GRM8: variants seen among roughly 807,000 people sequenced by gnomAD.
GRM8 encodes metabotropic glutamate receptor 8.
A neutral mutation model predicts 87.2 loss-of-function variants in GRM8; 47 were observed. The observed-to-expected ratio is 0.54, with a 90% CI of 0.43 to 0.69. The LOEUF (loss-of-function observed/expected upper bound fraction) is 0.69. Ranked by LOEUF, GRM8 falls within the 30% of genes least tolerant of loss-of-function variation. The probability of loss-of-function intolerance (pLI) is 0.00; values close to 1 mark genes in which losing one functional copy is unlikely to be tolerated. For synonymous variants in GRM8, 396 were observed against 404.5 expected (o/e 0.98, Z 0.25); for missense variants, 1,019 against 1,139.2 (o/e 0.89, Z 1.52).
At chr7:126,754,003 C>A (rs569304425) in intron 7 of GRM8, among the ~76,000 whole-genome samples, 23 of 151,898 alleles carry the variant, frequency 1.5e-4, no homozygotes, top group African/African-American at 5.5e-4. Context: ...AAGAGAAATA[C>A]TTAAAATCTT....
At chr7:126,942,386 G>A (rs1807055844) in intron 3 of GRM8, among the ~76,000 whole-genome samples, 1 of 152,108 alleles carries the variant, frequency 6.6e-6, no homozygotes, top group Non-Finnish European at 1.5e-5. Flanking sequence ...GTTGCTTGAG[G>A]GCTGAGCCCA....
At chr7:126,834,577 G>GA (rs1795674438) in intron 6 of GRM8, among the ~76,000 whole-genome samples, 3 of 152,034 alleles carry the variant, frequency 2.0e-5, no homozygotes, top group South Asian at 2.1e-4. Flanking sequence ...ATAACATTCA[G>GA]AAAAAAGTCA....
At chr7:126,648,717 A>G (rs1440511604) in intron 7 of GRM8, among the ~76,000 whole-genome samples, 1 of 152,268 alleles carries the variant, frequency 6.6e-6, no homozygotes, top group Admixed American at 6.5e-5. Context: ...TAGAAACTCC[A>G]TTATCTGAAA....
At chr7:127,098,169 T>A (rs185017968) in intron 3 of GRM8, among the ~76,000 whole-genome samples, 1 of 152,268 alleles carries the variant, frequency 6.6e-6, no homozygotes, top group African/African-American at 2.4e-5. Flanking sequence ...TAATTAAATA[T>A]GATTTGTAAC....
chr7:126,628,105 C>T (rs541017256), intron 7 of GRM8, among the ~76,000 whole-genome samples: 17 of 152,058 alleles, frequency 1.1e-4, no homozygotes, highest in Non-Finnish European at 1.9e-4. Flanking sequence ...AGTGCAGTGG[C>T]GTGATCTCAG....
chr7:126,458,224 A>G (rs1803482186), intron 9 of GRM8, among the ~76,000 whole-genome samples: 1 of 151,160 alleles, frequency 6.6e-6, no homozygotes, highest in South Asian at 2.1e-4. Flanking sequence ...TAAATCATTA[A>G]TTTTCATTAT....
chr7:127,049,073 A>C (rs922793979), intron 3 of GRM8, among the ~76,000 whole-genome samples: 2 of 152,140 alleles, frequency 1.3e-5, no homozygotes, highest in Admixed American at 1.3e-4. Flanking sequence ...TCTTTAAAAG[A>C]CACTTCATGA....
chr7:126,802,191 A>G (rs1179135729), intron 6 of GRM8, among the ~76,000 whole-genome samples: 1 of 152,206 alleles, frequency 6.6e-6, no homozygotes. Context: ...TGGTTAGAAC[A>G]CTTAAAATAT....
chr7:127,157,023 T>A (rs565973817), intron 2 of GRM8, among the ~76,000 whole-genome samples: 1 of 152,232 alleles, frequency 6.6e-6, no homozygotes, highest in Non-Finnish European at 1.5e-5. Context: ...AGTGTCCACA[T>A]CTTTTTAACA....
intron 8 of GRM8, among the ~76,000 whole-genome samples, chr7:126,584,000 A>G (rs2151019930): frequency 6.6e-6 from 1 of 152,240 alleles, no homozygotes; most frequent in Admixed American, 6.5e-5. Context: ...ATGTTGTCTT[A>G]TTTTTTAAAA....
intron 3 of GRM8, among the ~76,000 whole-genome samples, chr7:127,046,350 C>A (rs1586843749): frequency 1.3e-5 from 2 of 150,896 alleles, no homozygotes; most frequent in African/African-American, 4.9e-5. Context: ...CCAGCCTGGG[C>A]AACAGAGCGA....
chr7:126,509,818 T>C (rs1191780969), intron 9 of GRM8, among the ~76,000 whole-genome samples: 1 of 151,926 alleles, frequency 6.6e-6, no homozygotes, highest in East Asian at 1.9e-4. Context: ...CTAAATGACC[T>C]CAGACACCTC....
intron 8 of GRM8, among the ~76,000 whole-genome samples, chr7:126,602,317 G>A (rs1797871759): frequency 6.9e-6 from 1 of 145,584 alleles, no homozygotes; most frequent in African/African-American, 2.5e-5. Flanking sequence ...GCAGTACCAT[G>A]CTGTTTTGGT....
intron 6 of GRM8, among the ~76,000 whole-genome samples, chr7:126,817,405 G>T (rs1465679262): frequency 6.6e-6 from 1 of 152,028 alleles, no homozygotes; most frequent in Non-Finnish European, 1.5e-5. Context: ...TGATACTATG[G>T]AGAATATGCA....
chr7:126,671,776 G>C (rs1327611848), intron 7 of GRM8, among the ~76,000 whole-genome samples: 1 of 152,142 alleles, frequency 6.6e-6, no homozygotes, highest in African/African-American at 2.4e-5. Context: ...GCTAACCAAA[G>C]CTAAGTGTCA....
intron 3 of GRM8, among the ~76,000 whole-genome samples, chr7:126,908,966 A>G (rs1802992569): frequency 6.6e-6 from 1 of 152,210 alleles, no homozygotes; most frequent in African/African-American, 2.4e-5. Context: ...TATTTCCTTA[A>G]CCCTGATACC....
rs1476923646 is a variant in GRM8 at position 126,633,113 on chromosome 7, T to C, written c.1358-23615A>G. Among the ~76,000 whole-genome samples the C allele has an allele frequency of 2.6e-5, 4 of 152,110 alleles. No individual in the cohort carries two copies. In the East Asian group the frequency reaches 7.7e-4, roughly 29 times the overall value. Reference sequence around the variant, plus strand: ...AAGAATAAAATAAGAAAAGTTATATTTTGGTAAACAATACACATCGTATCA... The same window carrying C: ...AAGAATAAAATAAGAAAAGTTATATCTTGGTAAACAATACACATCGTATCA... On this transcript the variant is annotated intron_variant, in intron 7 of 10. Transcript: ENST00000339582.
At chr7:126,771,906 A>C (rs1393628236) in intron 6 of GRM8, among the ~76,000 whole-genome samples, 1 of 152,100 alleles carries the variant, frequency 6.6e-6, no homozygotes, top group Non-Finnish European at 1.5e-5. Flanking sequence ...ATCTAAGCTA[A>C]GATCCACAAG....
chr7:126,812,486 G>C (rs996305960), intron 6 of GRM8, among the ~76,000 whole-genome samples: 1 of 152,002 alleles, frequency 6.6e-6, no homozygotes, highest in Non-Finnish European at 1.5e-5. Flanking sequence ...TACAGTAAAA[G>C]TATGGTATTA....
Sources: gnomAD v4.1 joint callset for allele counts (sites outside exome capture counted in the v4.1 genomes callset) on GRCh38, gnomAD v4.1.1 for gene constraint, MANE v1.5 for transcripts, NCBI Gene and HGNC (gene_info 2026-07-23, HGNC 2026-07-21) for gene names.